Variants in SLC16A10 observed in about 807,000 individuals in gnomAD.
SLC16A10 encodes the protein monocarboxylate transporter 10.
SLC16A10 carries 27 observed loss-of-function variants against 40.0 expected under a neutral mutation model. The ratio of observed to expected loss-of-function variants is 0.67; its 90% CI spans 0.50 to 0.93. The LOEUF (loss-of-function observed/expected upper bound fraction) is 0.93, where lower values mean the gene tolerates loss of function less well. Among genes scored for constraint, SLC16A10 ranks in the 40% least tolerant of loss-of-function variants. The probability of loss-of-function intolerance (pLI) is 0.00; values close to 1 mark genes in which losing one functional copy is unlikely to be tolerated. For synonymous variants in SLC16A10, 213 were observed against 249.8 expected, an observed-to-expected ratio of 0.85 and a Z score of 1.39; for missense variants, 529 against 658.2, an observed-to-expected ratio of 0.80 and a Z score of 2.15.
At chr6:111,132,671 C>T (rs1268776516) in intron 1 of SLC16A10, among the ~76,000 whole-genome samples, 1 of 152,190 alleles carries the variant, frequency 6.6e-6, no homozygotes, top group African/African-American at 2.4e-5. Flanking sequence ...ATAAAGGTAA[C>T]TTATTAACCA....
chr6:111,088,896 A>T (rs1200159376), intron 1 of SLC16A10, among the ~76,000 whole-genome samples: 2 of 152,124 alleles, frequency 1.3e-5, no homozygotes, highest in Admixed American at 6.6e-5. Flanking sequence ...TCTGCATGAC[A>T]CTTTAACATA....
chr6:111,145,492 GT>G (rs1391116374), intron 1 of SLC16A10, among the ~76,000 whole-genome samples: 2 of 152,160 alleles, frequency 1.3e-5, no homozygotes, highest in East Asian at 3.9e-4. Flanking sequence ...GGGAAGAATA[GT>G]TTTTCCAACA....
chr6:111,137,123 A>G (rs1430133741), intron 1 of SLC16A10, among the ~76,000 whole-genome samples: 2 of 152,248 alleles, frequency 1.3e-5, no homozygotes, highest in Admixed American at 1.3e-4. Flanking sequence ...GGGACCCTCC[A>G]TTAGAAATGC....
In SLC16A10 at chr6:111,222,214, A is replaced by G. The variant is rs757525180; in HGVS notation, c.1527A>G (p.Lys509=). The change falls in exon 6 of 6, where the codon AAA becomes AAG. Residue 509 remains lysine, a synonymous_variant. Coordinates refer to ENST00000368851, the MANE Select transcript of SLC16A10 (RefSeq NM_018593.5). ...CAAGTTCATCTGGAATGTTCAAGAA[A>G]GAATCTGACTCTATTATTTAATATC... ...LLSSSSGMFK[K]ESDSII is the part of the protein sequence containing the mutation. 3.1e-6 allele frequency: 5 copies of G among 1,603,914 alleles called. No individual in the cohort carries two copies. In the East Asian group the frequency reaches 1.1e-4, roughly 36 times the overall value.
At chr6:111,219,268 A>G (rs933773672) in intron 5 of SLC16A10, among the ~76,000 whole-genome samples, 1 of 152,090 alleles carries the variant, frequency 6.6e-6, no homozygotes, top group Non-Finnish European at 1.5e-5. Flanking sequence ...AAAACACTAT[A>G]TAAAACACTT....
chr6:111,188,277 C>G (rs866397997), intron 3 of SLC16A10, among the ~76,000 whole-genome samples: 2 of 143,030 alleles, frequency 1.4e-5, no homozygotes, highest in African/African-American at 2.6e-5. Context: ...CTCCCTCTCT[C>G]CCTCCCTTCC....
Position 111,088,084 on chromosome 6 carries a change from T to C in SLC16A10, c.332T>C (p.Val111Ala), listed in dbSNP as rs747435538. 1 of 1,602,464 alleles carries C rather than the reference T, an allele frequency of 6.2e-7. No individual in the cohort carries two copies. The highest frequency in any genetic ancestry group is 1.7e-5 in the Admixed American group (1 of 58,474). The change falls in exon 1 of 6, where the codon GTC becomes GCC. Residue 111 changes from valine to alanine, a missense_variant. By Grantham distance (64) the Val-to-Ala change is moderately conservative. Transcript: ENST00000368851. ...GGCTCCAAAGACGATGACAAGATGGTCTTTAAGACAGGTGAGGCGCGGCGC... is the reference window on the plus strand; with the variant it reads ...GGCTCCAAAGACGATGACAAGATGGCCTTTAAGACAGGTGAGGCGCGGCGC... ...TFGSKDDDKM[V>A]FKTAWVGSLS...
chr6:111,205,775 T>C (rs1232482522), intron 3 of SLC16A10, among the ~76,000 whole-genome samples: 1 of 152,244 alleles, frequency 6.6e-6, no homozygotes, highest in Non-Finnish European at 1.5e-5. Flanking sequence ...TGCATTTTAA[T>C]CTGTTCTAAT....
At chr6:111,088,224 A>T (rs1770906221) in intron 1 of SLC16A10, 129 bp downstream of exon 1, 3 of 911,304 alleles carry the variant, frequency 3.3e-6, no homozygotes, top group Non-Finnish European at 4.8e-6. Flanking sequence ...GGGTGCGAGC[A>T]GGGGGGTCTT....
chr6:111,198,451 A>C (rs1348637919), intron 3 of SLC16A10, among the ~76,000 whole-genome samples: 1 of 152,218 alleles, frequency 6.6e-6, no homozygotes, highest in Non-Finnish European at 1.5e-5. Flanking sequence ...AGGCAATGTC[A>C]TTGTTGTGCA....
chr6:111,176,889 C>G (rs768818569), intron 2 of SLC16A10, among the ~76,000 whole-genome samples: 17 of 152,142 alleles, frequency 1.1e-4, no homozygotes, highest in Middle Eastern at 3.2e-3. Context: ...ACCTTTATTT[C>G]TGAGCTGTGG....
chr6:111,228,942 T>C lies in SLC16A10; in HGVS notation c.*6707T>C, dbSNP rs981046143. ...TACTCGGGAGGCTGAGGCAGGAGAA[T>C]TGCTTGAACCCAGGAGGTGGAGGTT... On this transcript the variant is annotated 3_prime_UTR_variant, in exon 6 of 6. Coordinates refer to ENST00000368851, the MANE Select transcript of SLC16A10 (RefSeq NM_018593.5). 1 of 150,940 alleles carries C rather than the reference T, an allele frequency of 6.6e-6. No individual in the cohort carries two copies. The highest frequency in any genetic ancestry group is 2.4e-5 in the African/African-American group (1 of 40,858). The allele number at this position is 150,940 out of a possible 1,614,324, so 9.4% of individuals were successfully genotyped here.
chr6:111,208,763 G>A (rs1046473248), intron 4 of SLC16A10, among the ~76,000 whole-genome samples: 1 of 152,160 alleles, frequency 6.6e-6, no homozygotes, highest in African/African-American at 2.4e-5. Context: ...AGGGGCTAGG[G>A]AAAGGAGGGA....
intron 1 of SLC16A10, among the ~76,000 whole-genome samples, chr6:111,130,543 G>A (rs1278492945): frequency 6.6e-6 from 1 of 152,168 alleles, no homozygotes; most frequent in Non-Finnish European, 1.5e-5. Flanking sequence ...TGTTATGTGT[G>A]TGTGGAGCTT....
chr6:111,203,723 T>TAAATAAAC (rs914319956), intron 3 of SLC16A10, among the ~76,000 whole-genome samples: 8 of 141,188 alleles, frequency 5.7e-5, no homozygotes, highest in African/African-American at 1.9e-4. Flanking sequence ...CCATCTCAAA[T>TAAATAAAC]AAATAAATAA....
At chr6:111,108,679 C>T (rs1165202135) in intron 1 of SLC16A10, among the ~76,000 whole-genome samples, 2 of 152,180 alleles carry the variant, frequency 1.3e-5, no homozygotes, top group Admixed American at 6.5e-5. Context: ...GTCTGAAACA[C>T]AGACCAGTAT....
chr6:111,225,620 C>T lies in SLC16A10; in HGVS notation c.*3385C>T, dbSNP rs1483164727. 1.3e-5 allele frequency: 2 copies of T among 151,224 alleles called. No individual in the cohort carries two copies. Among genetic ancestry groups the T allele is most frequent in the African/African-American group, 2.4e-5 (1 of 41,188 alleles). The allele number at this position is 151,224 out of a possible 1,614,324, so 9.4% of individuals were successfully genotyped here. On this transcript the variant is annotated 3_prime_UTR_variant, in exon 6 of 6. Transcript: ENST00000368851. ...CATGTTTACTTCGGATAATTCTAAT[C>T]CTTTTAGCTGCATTTAAGAATATTT... is the stretch of plus-strand genomic sequence containing the variant.
intron 1 of SLC16A10, among the ~76,000 whole-genome samples, chr6:111,128,365 G>T (rs1445909696): frequency 6.6e-6 from 1 of 151,844 alleles, no homozygotes; most frequent in Non-Finnish European, 1.5e-5. Context: ...GTGATGCCAG[G>T]GTTCAAACCT....
intron 1 of SLC16A10, among the ~76,000 whole-genome samples, chr6:111,162,501 G>A (rs1772388364): frequency 6.6e-6 from 1 of 152,166 alleles, no homozygotes; most frequent in Non-Finnish European, 1.5e-5. Context: ...GCTTTTATTG[G>A]TTCTGCAAGT....
Sources: gnomAD v4.1 joint callset for allele counts (sites outside exome capture counted in the v4.1 genomes callset) on GRCh38, gnomAD v4.1.1 for gene constraint, MANE v1.5 for transcripts, NCBI Gene and HGNC (gene_info 2026-07-23, HGNC 2026-07-21) for gene names.